The following KIF6 variants were observed in gnomAD, a reference collection of about 807,000 sequenced individuals.
The protein encoded by KIF6 is kinesin-like protein KIF6.
Under a neutral mutation model 112.7 loss-of-function variants are expected in KIF6, and 106 were observed. That is an observed-to-expected ratio of 0.94 (90% CI 0.80 to 1.11). The LOEUF (loss-of-function observed/expected upper bound fraction) is 1.11. Ranked by LOEUF, KIF6 falls within the 50% of genes least tolerant of loss-of-function variation. The pLI, the probability that KIF6 is intolerant of heterozygous loss-of-function variation, is 0.00. For missense variants in KIF6, 929 were observed against 964.0 expected, an observed-to-expected ratio of 0.96 and a Z score of 0.48; for synonymous variants, 339 against 339.9, an observed-to-expected ratio of 1.00 and a Z score of 0.03.
chr6:39,429,658 C>T (rs1421147213), intron 14 of KIF6, among the ~76,000 whole-genome samples: 1 of 152,172 alleles, frequency 6.6e-6, no homozygotes, highest in Non-Finnish European at 1.5e-5. Context: ...GCCTGTAATC[C>T]CAGCACTTTG....
At chr6:39,676,108 A>G (rs946657014) in intron 3 of KIF6, among the ~76,000 whole-genome samples, 2 of 151,968 alleles carry the variant, frequency 1.3e-5, no homozygotes, top group Non-Finnish European at 2.9e-5. Flanking sequence ...TTGGTGACAG[A>G]CATGAATCCT....
At chr6:39,716,633 C>A (rs1479741366) in intron 2 of KIF6, among the ~76,000 whole-genome samples, 1 of 152,028 alleles carries the variant, frequency 6.6e-6, no homozygotes, top group Non-Finnish European at 1.5e-5. Context: ...AGGAAGAAGT[C>A]GAGATCCACA....
chr6:39,627,328 AT>A (rs1209198729), intron 5 of KIF6, among the ~76,000 whole-genome samples: 10 of 151,722 alleles, frequency 6.6e-5, no homozygotes, highest in African/African-American at 1.5e-4. Context: ...AGCTCTTGTC[AT>A]TTTTTTTGGC....
chr6:39,442,509 C>T (rs1257132652), intron 13 of KIF6, among the ~76,000 whole-genome samples: 3 of 152,202 alleles, frequency 2.0e-5, no homozygotes, highest in East Asian at 3.9e-4. Context: ...GTTTGGAAAG[C>T]CGCCTGGGTC....
chr6:39,337,174 T>TC (rs376857039), intron 22 of KIF6, among the ~76,000 whole-genome samples: 2,830 of 62,172 alleles, frequency 0.046, 210 homozygotes, highest in African/African-American at 0.076. Flanking sequence ...TTTCCTTCCT[T>TC]CTTTCTTTCT....
rs1762777013 is a variant in KIF6, at chr6:39,332,448, T to C, written c.*4084A>G. ...TCATTGAAGTTACTTGGAAACTTAC[T>C]GGAAACAATTTGACTCCTTTGGGGC... On this transcript the variant is annotated 3_prime_UTR_variant, in exon 23 of 23. Coordinates refer to ENST00000287152, the MANE Select transcript of KIF6 (RefSeq NM_145027.6). 1 of 152,228 alleles carries C rather than the reference T, an allele frequency of 6.6e-6. No individual in the cohort carries two copies. The highest frequency in any genetic ancestry group is 1.5e-5 in the Non-Finnish European group (1 of 68,042). 9.4% of individuals were successfully genotyped at this position (152,228 alleles called of 1,614,324 possible).
chr6:39,540,095 T>C lies in KIF6; in HGVS notation c.1553A>G (p.Glu518Gly). 6.2e-7 allele frequency: 1 copy of C among 1,614,130 alleles called. No individual in the cohort carries two copies. Among genetic ancestry groups the C allele is most frequent in the Non-Finnish European group, 8.5e-7 (1 of 1,180,004 alleles). Residue 518 changes from glutamate to glycine, a missense_variant, in exon 13 of 23, where the codon GAA becomes GGA. Physicochemically the swap from Glu to Gly is moderately conservative, Grantham distance 98. This residue lies in a region of KIF6 where 688 missense variants were observed against 662.7 expected (regional missense o/e 1.04). Transcript: ENST00000287152. ...TGAGGATAGTCGCATTCTTTGACCT[T>C]CTTCTGGGTTTCCTAGGCGGAAGGG... ...SPPFRLGNPE[E>G]GQRMRLSSAP...
chr6:39,634,817 T>C, intron 5 of KIF6, 32 bp downstream of exon 5: 1 of 1,209,210 alleles, frequency 8.3e-7, no homozygotes, highest in Non-Finnish European at 1.2e-6. Flanking sequence ...TGAAAGTAAT[T>C]TCCCTCCATT....
intron 18 of KIF6, among the ~76,000 whole-genome samples, chr6:39,358,195 G>A (rs1316999724): frequency 6.6e-6 from 1 of 152,218 alleles, no homozygotes; most frequent in South Asian, 2.1e-4. Context: ...GAACGTGAGT[G>A]CATACAGGAA....
intron 16 of KIF6, among the ~76,000 whole-genome samples, chr6:39,385,075 G>A (rs1438716043): frequency 6.6e-6 from 1 of 152,324 alleles, no homozygotes; most frequent in South Asian, 2.1e-4. Flanking sequence ...ACAGCACCAA[G>A]CTTGGAACAG....
intron 1 of KIF6, among the ~76,000 whole-genome samples, 175 bp downstream of exon 1, chr6:39,725,070 G>GT (rs756693831): frequency 5.3e-5 from 8 of 152,216 alleles, no homozygotes; most frequent in Non-Finnish European, 8.8e-5. Context: ...GCTGACAGCA[G>GT]TGCGCGGGGG....
chr6:39,517,112 T>C (rs1368051435), intron 13 of KIF6, among the ~76,000 whole-genome samples: 2 of 152,166 alleles, frequency 1.3e-5, no homozygotes, highest in Non-Finnish European at 2.9e-5. Context: ...AAGTGTGTCA[T>C]TTATCACAGC....
chr6:39,721,129 T>C (rs114922121), intron 1 of KIF6, among the ~76,000 whole-genome samples: 293 of 152,314 alleles, frequency 1.9e-3, no homozygotes, highest in African/African-American at 6.8e-3. Flanking sequence ...AGCAACATTT[T>C]ATCTAAGTAT....
intron 13 of KIF6, among the ~76,000 whole-genome samples, chr6:39,491,264 A>C (rs538669645): frequency 3.3e-5 from 5 of 152,194 alleles, no homozygotes; most frequent in African/African-American, 1.2e-4. Context: ...GGTAACTGCC[A>C]TGTTGTGAGA....
chr6:39,569,506 ATTCAAC>A (rs1780529267), intron 10 of KIF6, among the ~76,000 whole-genome samples: 1 of 152,264 alleles, frequency 6.6e-6, no homozygotes. Context: ...GTTGAAATTT[ATTCAAC>A]TTCAAACATA....
Position 39,378,634 on chromosome 6 carries a change from T to C in KIF6, c.1861+6988A>G, listed in dbSNP as rs745373814. ...GACAACCCCCCAGGGCCACTCCTTC[T>C]GGTAAGAACGGGAAGTTCTCATGGC... On this transcript the variant is annotated intron_variant, in intron 16 of 22. Coordinates refer to ENST00000287152, the MANE Select transcript of KIF6 (RefSeq NM_145027.6). The surrounding 1 kb of genome is among the most constrained non-coding windows in gnomAD (Gnocchi z 5.0). Among the ~76,000 whole-genome samples, 3 of 152,204 alleles carry C rather than the reference T, an allele frequency of 2.0e-5. No homozygotes were observed. The highest frequency in any genetic ancestry group is 2.9e-5 in the Non-Finnish European group (2 of 68,036).
chr6:39,669,502 T>G (rs1272507715), intron 3 of KIF6, among the ~76,000 whole-genome samples: 1 of 152,244 alleles, frequency 6.6e-6, no homozygotes, highest in East Asian at 1.9e-4. Context: ...TTAAAATATT[T>G]TCCACATCTC....
chr6:39,655,482 T>A (rs1479266280), intron 3 of KIF6, among the ~76,000 whole-genome samples: 5 of 151,844 alleles, frequency 3.3e-5, no homozygotes, highest in East Asian at 3.8e-4. Context: ...TTTTTCTTCA[T>A]TTTTTTTGCA....
rs144675719 is a variant in KIF6, at chr6:39,559,996, T to C, written c.1182-14308A>G. On this transcript the variant is annotated intron_variant, in intron 10 of 22. Coordinates refer to ENST00000287152, the MANE Select transcript of KIF6 (RefSeq NM_145027.6). ...ACATATTTATACAAAACATTATTTG[T>C]TATTTACTTGAAATTCAAATTTAAT... Among the ~76,000 whole-genome samples the C allele has an allele frequency of 3.1e-3, 479 of 152,338 alleles. 2 individuals are homozygous for C. The highest frequency in any genetic ancestry group is 0.011 in the African/African-American group (444 of 41,574).
Sources: gnomAD v4.1 joint callset for allele counts (sites outside exome capture counted in the v4.1 genomes callset) on GRCh38, gnomAD v4.1.1 for gene constraint, gnomAD v4.1.1 regional missense constraint, Gnocchi (gnomAD v3.1) non-coding constraint, MANE v1.5 for transcripts, NCBI Gene and HGNC (gene_info 2026-07-23, HGNC 2026-07-21) for gene names.